The following XIRP2 variants were observed in gnomAD, a reference collection of about 807,000 sequenced individuals.
XIRP2 encodes the protein xin actin binding repeat containing 2, also known as xin actin-binding repeat-containing protein 2.
In XIRP2, 236 loss-of-function variants were observed where a neutral mutation model predicts 277.0. The observed-to-expected ratio is 0.85, with a 90% CI of 0.77 to 0.95. The LOEUF is 0.95. XIRP2 is among the 40% of genes least tolerant of loss of function. The probability of loss-of-function intolerance (pLI) is 0.00; values close to 1 mark genes in which losing one functional copy is unlikely to be tolerated. For missense variants in XIRP2, 4,640 were observed against 4,157.5 expected (o/e 1.12, Z -3.19); for synonymous variants, 1,490 against 1,416.5 (o/e 1.05, Z -1.17).
rs1185955404 is a variant in XIRP2 at position 167,242,713 on chromosome 2, A to G, written c.1321A>G (p.Ile441Val). Residue 441 changes from isoleucine (I) to valine (V), a missense_variant, in exon 9 of 11, where the codon ATT becomes GTT. Coordinates refer to ENST00000409195, the MANE Select transcript of XIRP2 (RefSeq NM_152381.6). ...HSVTSSTLAQ[I>V]NATSSGMTEE... ...TGTCACTTCCTCAACTCTGGCACAA[A>G]TTAATGCTACTTCTTCAGGAATGAC... 1.9e-6 allele frequency: 3 copies of G among 1,613,964 alleles called. No individual in the cohort carries two copies. The highest frequency in any genetic ancestry group is 2.5e-6 in the Non-Finnish European group (3 of 1,180,002).
intron 2 of XIRP2, among the ~76,000 whole-genome samples, chr2:167,034,017 T>C (rs946048295): frequency 6.6e-6 from 1 of 152,164 alleles, no homozygotes; most frequent in African/African-American, 2.4e-5. Context: ...AAACTACTTA[T>C]ATCTTGAGTT....
rs374669513 is a variant in XIRP2 at position 167,248,755 on chromosome 2, T to C, written c.7363T>C (p.Cys2455Arg). 1 of 1,613,686 alleles carries C rather than the reference T, an allele frequency of 6.2e-7. No individual in the cohort carries two copies. The highest frequency in any genetic ancestry group is 8.5e-7 in the Non-Finnish European group (1 of 1,179,798). The change falls in exon 9 of 11, where the codon TGT (cysteine) becomes CGT (arginine). Residue 2455 changes from cysteine (C) to arginine (R), a missense_variant. Cys to Arg is a radical substitution (Grantham distance 180). Transcript: ENST00000409195. The stretch of plus-strand genomic sequence containing the variant: ...GGCAACCTCCCTGTCAGATATGGAA[T>C]GTAAAATTACTACCTCAAAGGATCA... ...ELATSLSDME[C>R]KITTSKDQKK...
intron 2 of XIRP2, among the ~76,000 whole-genome samples, chr2:167,083,817 T>C (rs1223986155): frequency 6.6e-6 from 1 of 152,188 alleles, no homozygotes; most frequent in African/African-American, 2.4e-5. Flanking sequence ...CTGAAGTTGC[T>C]TGTCAGCTTA....
intron 9 of XIRP2, among the ~76,000 whole-genome samples, chr2:167,252,584 A>G (rs1001270741): frequency 2.6e-5 from 4 of 151,946 alleles, no homozygotes. Flanking sequence ...AATCAACCTC[A>G]TTCACAAATG....
chr2:167,023,386 T>A (rs1688045214), intron 2 of XIRP2, among the ~76,000 whole-genome samples: 1 of 151,982 alleles, frequency 6.6e-6, no homozygotes, highest in Admixed American at 6.6e-5. Flanking sequence ...TTGCAAAAAT[T>A]TTCTCCCATT....
chr2:167,089,343 T>A (rs572216401), intron 2 of XIRP2, among the ~76,000 whole-genome samples: 1 of 152,300 alleles, frequency 6.6e-6, no homozygotes, highest in African/African-American at 2.4e-5. Context: ...GTTCATCAGT[T>A]AATTGTTCTT....
chr2:167,153,187 G>A lies in XIRP2; in HGVS notation c.562+17125G>A, dbSNP rs375286350. On this transcript the variant is annotated intron_variant, in intron 3 of 10. Coordinates refer to ENST00000409195, the MANE Select transcript of XIRP2 (RefSeq NM_152381.6). ...CATTAAACATAGTTTTAATTTGTGA[G>A]TATAGGGGAGTATGCACTTTCATAT... is the stretch of plus-strand genomic sequence containing the variant. Among the ~76,000 whole-genome samples, 3 of 152,056 alleles carry A rather than the reference G, an allele frequency of 2.0e-5. No homozygotes were observed. The East Asian group carries it at 5.8e-4, about 29-fold the overall frequency.
chr2:167,043,392 A>G (rs766478133), intron 2 of XIRP2, among the ~76,000 whole-genome samples: 2 of 152,106 alleles, frequency 1.3e-5, no homozygotes, highest in African/African-American at 2.4e-5. Flanking sequence ...ACAAAAGATC[A>G]ATGAAACCAA....
At chr2:167,116,575 CT>C (rs1263046671) in intron 2 of XIRP2, among the ~76,000 whole-genome samples, 3 of 152,160 alleles carry the variant, frequency 2.0e-5, no homozygotes, top group Non-Finnish European at 4.4e-5. Context: ...ATGTTGTCAA[CT>C]TTTCCACATT....
At chr2:167,055,216 G>GA (rs1280104381) in intron 2 of XIRP2, among the ~76,000 whole-genome samples, 1 of 152,074 alleles carries the variant, frequency 6.6e-6, no homozygotes, top group Non-Finnish European at 1.5e-5. Flanking sequence ...AGACCACAAA[G>GA]AAAAAAGGCT....
intron 2 of XIRP2, among the ~76,000 whole-genome samples, chr2:167,031,932 C>G (rs1180704901): frequency 6.6e-6 from 1 of 151,864 alleles, no homozygotes; most frequent in African/African-American, 2.4e-5. Context: ...TTGACTTTTT[C>G]AACCAAGTTG....
At chr2:167,074,902 G>A (rs1574227668) in intron 2 of XIRP2, among the ~76,000 whole-genome samples, 1 of 152,220 alleles carries the variant, frequency 6.6e-6, no homozygotes. Flanking sequence ...TGAGATTACA[G>A]GTGTGAGCCA....
At chr2:167,026,695 A>T (rs1688171172) in intron 2 of XIRP2, among the ~76,000 whole-genome samples, 3 of 152,018 alleles carry the variant, frequency 2.0e-5, no homozygotes, top group Admixed American at 6.6e-5. Context: ...AAAGTATTTT[A>T]TTTCTCCTTC....
At chr2:167,201,593 T>C (rs951402067) in intron 3 of XIRP2, among the ~76,000 whole-genome samples, 3 of 152,176 alleles carry the variant, frequency 2.0e-5, no homozygotes, top group African/African-American at 7.2e-5. Flanking sequence ...CTTCTTAAGT[T>C]TGATCTCTAT....
At chr2:167,159,655 C>T (rs1330183611) in intron 3 of XIRP2, among the ~76,000 whole-genome samples, 2 of 151,824 alleles carry the variant, frequency 1.3e-5, no homozygotes, top group Admixed American at 6.6e-5. Context: ...ATTTAACATG[C>T]CTGTATCTAT....
At chr2:167,160,222 A>G (rs1338674789) in intron 3 of XIRP2, among the ~76,000 whole-genome samples, 3 of 152,146 alleles carry the variant, frequency 2.0e-5, no homozygotes, top group African/African-American at 7.2e-5. Context: ...CTAATATGTG[A>G]TTTTCTACTG....
chr2:167,258,157 C>A lies in XIRP2; in HGVS notation c.*340C>A. On this transcript the variant is annotated 3_prime_UTR_variant, in exon 11 of 11. Transcript: ENST00000409195. Reference sequence around the variant, plus strand: ...TAGGGGAAAGGGGAAAATTAAAAGTCATTTGGCCTCCTTCCAAGGAGATCC... The same window carrying A: ...TAGGGGAAAGGGGAAAATTAAAAGTAATTTGGCCTCCTTCCAAGGAGATCC... 6.2e-7 allele frequency: 1 copy of A among 1,613,008 alleles called. No homozygotes were observed. Among genetic ancestry groups the A allele is most frequent in the South Asian group, 1.1e-5 (1 of 91,046 alleles).
intron 2 of XIRP2, among the ~76,000 whole-genome samples, chr2:167,129,344 T>G (rs1178813373): frequency 1.3e-5 from 2 of 151,556 alleles, no homozygotes; most frequent in African/African-American, 4.9e-5. Flanking sequence ...TATATTTTCC[T>G]GGGGACCTCT....
At chr2:167,081,127 C>G (rs1689717158) in intron 2 of XIRP2, among the ~76,000 whole-genome samples, 1 of 152,008 alleles carries the variant, frequency 6.6e-6, no homozygotes, top group African/African-American at 2.4e-5. Context: ...ACTGTTAAAA[C>G]TTCAGAGAGA....
Sources: allele counts gnomAD v4.1 joint callset (sites outside exome capture counted in the v4.1 genomes callset), GRCh38; gene constraint gnomAD v4.1.1; transcripts MANE v1.5; gene names NCBI Gene and HGNC (gene_info 2026-07-23, HGNC 2026-07-21).